CSMD3: variants seen among roughly 807,000 people sequenced by gnomAD.
CSMD3 encodes CUB and Sushi multiple domains 3.
In CSMD3, 177 loss-of-function variants were observed where a neutral mutation model predicts 435.2. The observed-to-expected ratio is 0.41, with a 90% CI of 0.36 to 0.46. The LOEUF (loss-of-function observed/expected upper bound fraction) is 0.46. Among genes scored for constraint, CSMD3 ranks in the 20% least tolerant of loss-of-function variants. The pLI is 0.34. For missense variants in CSMD3, 4,265 were observed against 4,504.6 expected (o/e 0.95, Z 1.52); for synonymous variants, 1,656 against 1,520.5 (o/e 1.09, Z -2.07).
At chr8:112,714,292 C>G (rs1322105754) in intron 13 of CSMD3, among the ~76,000 whole-genome samples, 5 of 148,532 alleles carry the variant, frequency 3.4e-5, no homozygotes, top group Non-Finnish European at 7.4e-5. Context: ...TCTGACAAAA[C>G]AGACTTTTAA....
In CSMD3 at chr8:112,918,030, A is replaced by G. The variant is rs139335784; in HGVS notation, c.1633+3597T>C. On this transcript the variant is annotated intron_variant, in intron 10 of 70. Coordinates refer to ENST00000297405, the MANE Select transcript of CSMD3 (RefSeq NM_198123.2). ...CATGGAAATAATCTTCCTCATCTGA[A>G]TTTTGCAGAGGCTTGCACTAACTTG... Among the ~76,000 whole-genome samples, 1,009 of 152,052 alleles carry G rather than the reference A, an allele frequency of 6.6e-3. 9 individuals are homozygous for G. Among genetic ancestry groups the G allele is most frequent in the African/African-American group, 0.022 (912 of 41,534 alleles).
chr8:112,869,085 C>A lies in CSMD3; in HGVS notation c.1634-9819G>T, dbSNP rs2081061703. Among the ~76,000 whole-genome samples the A allele has an allele frequency of 2.0e-5, 3 of 152,208 alleles. No homozygotes were observed. The South Asian group carries it at 6.2e-4, about 32-fold the overall frequency. Reference sequence around the variant, plus strand: ...TGGATTCATTTTAATTATTTATTTTCTCTCATGGAGGAAAAAATCTGGCTC... The same window carrying A: ...TGGATTCATTTTAATTATTTATTTTATCTCATGGAGGAAAAAATCTGGCTC... On this transcript the variant is annotated intron_variant, in intron 10 of 70. Transcript: ENST00000297405.
At chr8:112,617,648 C>G (rs1328436207) in intron 22 of CSMD3, among the ~76,000 whole-genome samples, 2 of 152,106 alleles carry the variant, frequency 1.3e-5, no homozygotes, top group Non-Finnish European at 1.5e-5. Flanking sequence ...AGTGGACATA[C>G]AGGTTAACTA....
At chr8:112,817,287 G>A (rs936815153) in intron 12 of CSMD3, among the ~76,000 whole-genome samples, 3 of 152,016 alleles carry the variant, frequency 2.0e-5, no homozygotes, top group African/African-American at 7.2e-5. Flanking sequence ...CAGATGAAAA[G>A]GGTAGACTAA....
chr8:112,631,262 C>A lies in CSMD3; in HGVS notation c.3715+5555G>T, dbSNP rs145058112. Reference sequence around the variant, plus strand: ...TAAATAAAGTTTTGTTGGAACACAGCCACATCAATTCATTTATGTATTTTC... The same window carrying A: ...TAAATAAAGTTTTGTTGGAACACAGACACATCAATTCATTTATGTATTTTC... On this transcript the variant is annotated intron_variant, in intron 22 of 70. Coordinates refer to ENST00000297405, the MANE Select transcript of CSMD3 (RefSeq NM_198123.2). Among the ~76,000 whole-genome samples the A allele has an allele frequency of 6.2e-4, 95 of 152,198 alleles. 1 individual carries two copies. The East Asian group carries it at 0.018, about 28-fold the overall frequency.
intron 28 of CSMD3, among the ~76,000 whole-genome samples, chr8:112,512,776 T>C (rs990196410): frequency 1.3e-5 from 2 of 152,194 alleles, no homozygotes; most frequent in African/African-American, 2.4e-5. Context: ...GATGACACTA[T>C]TCGAATAGAA....
chr8:112,568,811 A>G (rs1160343634), intron 24 of CSMD3, among the ~76,000 whole-genome samples: 1 of 152,130 alleles, frequency 6.6e-6, no homozygotes. Flanking sequence ...TTAATCATAG[A>G]AGCAGATATT....
At chr8:112,367,627 C>T (rs1395960047) in intron 38 of CSMD3, among the ~76,000 whole-genome samples, 1 of 152,144 alleles carries the variant, frequency 6.6e-6, no homozygotes, top group Admixed American at 6.5e-5. Flanking sequence ...ATCTACACAA[C>T]CACAACTACT....
chr8:113,077,801 A>G (rs1295943359), intron 5 of CSMD3, among the ~76,000 whole-genome samples: 1 of 152,216 alleles, frequency 6.6e-6, no homozygotes, highest in Non-Finnish European at 1.5e-5. Flanking sequence ...TCAAAATTAT[A>G]TGGCTTTTTA....
rs149260397 is a variant in CSMD3, at chr8:112,544,249, G to T, written c.4564+6422C>A. Among the ~76,000 whole-genome samples, 79 of 152,132 alleles carry T rather than the reference G, an allele frequency of 5.2e-4. 1 individual carries two copies. In the East Asian group the frequency reaches 0.015, roughly 29 times the overall value. Reference sequence around the variant, plus strand: ...TGTTCTTACCACAGTAAAATAAATTGAAATAAAAATAATGTGGCTGTTGAA... The same window carrying T: ...TGTTCTTACCACAGTAAAATAAATTTAAATAAAAATAATGTGGCTGTTGAA... On this transcript the variant is annotated intron_variant, in intron 27 of 70. Transcript: ENST00000297405.
intron 5 of CSMD3, among the ~76,000 whole-genome samples, chr8:113,043,649 C>T (rs1288373479): frequency 6.6e-6 from 1 of 152,030 alleles, no homozygotes; most frequent in Admixed American, 6.5e-5. Context: ...ACTTAGATTT[C>T]AAATTGTGAG....
chr8:113,302,868 T>A (rs2093784992), intron 2 of CSMD3, among the ~76,000 whole-genome samples: 1 of 144,816 alleles, frequency 6.9e-6, no homozygotes, highest in Admixed American at 7.1e-5. Flanking sequence ...GGATGCCCTC[T>A]CTCACCGCTC....
intron 5 of CSMD3, among the ~76,000 whole-genome samples, chr8:113,039,167 C>A (rs1456292895): frequency 6.6e-6 from 1 of 151,934 alleles, no homozygotes; most frequent in Middle Eastern, 3.2e-3. Flanking sequence ...GTAATGTTCA[C>A]TGAACAGCTA....
At chr8:112,494,698 A>G (rs1390904037) in intron 30 of CSMD3, among the ~76,000 whole-genome samples, 1 of 152,076 alleles carries the variant, frequency 6.6e-6, no homozygotes, top group Non-Finnish European at 1.5e-5. Context: ...GAAAGCAATT[A>G]TATTAAATAA....
At chr8:112,321,292 C>T (rs985335219) in intron 45 of CSMD3, among the ~76,000 whole-genome samples, 4 of 152,006 alleles carry the variant, frequency 2.6e-5, no homozygotes, top group African/African-American at 9.7e-5. Flanking sequence ...CAGGACATAG[C>T]CAAAAACTGA....
chr8:112,437,017 G>C (rs1814429940), intron 32 of CSMD3, among the ~76,000 whole-genome samples: 1 of 151,944 alleles, frequency 6.6e-6, no homozygotes, highest in Non-Finnish European at 1.5e-5. Context: ...CTAAAAGACG[G>C]GTTCTTATTT....
At chr8:112,794,285 C>CCTT (rs2078767457) in intron 13 of CSMD3, among the ~76,000 whole-genome samples, 1 of 96,302 alleles carries the variant, frequency 1.0e-5, no homozygotes. Context: ...GACTGATAAA[C>CCTT]TTTTTTTTTT....
At chr8:112,432,088 A>G (rs534653948) in intron 32 of CSMD3, among the ~76,000 whole-genome samples, 1 of 152,178 alleles carries the variant, frequency 6.6e-6, no homozygotes, top group South Asian at 2.1e-4. Flanking sequence ...AGAACTAACA[A>G]ATACCTCCTA....
chr8:112,815,004 C>T (rs1385136568), intron 12 of CSMD3, among the ~76,000 whole-genome samples: 1 of 151,612 alleles, frequency 6.6e-6, no homozygotes, highest in African/African-American at 2.4e-5. Flanking sequence ...TAATATTTTT[C>T]CTTCTAGTAC....
Sources: gnomAD v4.1 joint callset for allele counts (sites outside exome capture counted in the v4.1 genomes callset) on GRCh38, gnomAD v4.1.1 for gene constraint, MANE v1.5 for transcripts, NCBI Gene and HGNC (gene_info 2026-07-23, HGNC 2026-07-21) for gene names.